Variants in RBFOX1 observed in about 807,000 individuals in gnomAD.
RBFOX1 encodes the protein RNA binding fox-1 homolog 1, also known as RNA binding protein fox-1 homolog 1.
A neutral mutation model predicts 57.7 loss-of-function variants in RBFOX1; 8 were observed. The observed-to-expected ratio is 0.14, with a 90% CI of 0.08 to 0.25. The LOEUF is 0.25. RBFOX1 is among the 10% of genes least tolerant of loss of function. The pLI is 1.00. For synonymous variants in RBFOX1, 326 were observed against 222.4 expected (o/e 1.47, Z -4.15); for missense variants, 611 against 548.5 (o/e 1.11, Z -1.14).
At chr16:6,964,987 G>A (rs1426057943) in intron 3 of RBFOX1, among the ~76,000 whole-genome samples, 1 of 152,120 alleles carries the variant, frequency 6.6e-6, no homozygotes, top group Admixed American at 6.6e-5. Context: ...TATCCTACGT[G>A]CTTCATAAAT....
At chr16:6,660,891 A>G (rs967171816) in intron 3 of RBFOX1, among the ~76,000 whole-genome samples, 1 of 152,186 alleles carries the variant, frequency 6.6e-6, no homozygotes, top group Non-Finnish European at 1.5e-5. Flanking sequence ...GGGACCTAGT[A>G]GGCCTTGGAA....
intron 3 of RBFOX1, among the ~76,000 whole-genome samples, chr16:6,706,933 G>T (rs571043099): frequency 1.5e-4 from 23 of 152,138 alleles, no homozygotes; most frequent in Admixed American, 5.2e-4. Context: ...AAGCTGTATA[G>T]TCACTTAAAA....
intron 2 of RBFOX1, among the ~76,000 whole-genome samples, chr16:5,530,254 G>A (rs1178719919): frequency 2.0e-5 from 3 of 152,172 alleles, no homozygotes; most frequent in African/African-American, 7.2e-5. Flanking sequence ...GAGGACGGCT[G>A]CAACACCACT....
At chr16:7,611,433 G>T (rs2057441632) in intron 10 of RBFOX1, among the ~76,000 whole-genome samples, 1 of 152,114 alleles carries the variant, frequency 6.6e-6, no homozygotes, top group Non-Finnish European at 1.5e-5. Context: ...AAAAGATCTA[G>T]CTGGGCATAG....
At position 5,473,339 on chromosome 16, in the gene RBFOX1, C is replaced by A. The variant is rs193223814; in HGVS notation, c.258+6085C>A. ...ACCTGACACCTCATTACTCCTGTTA[C>A]ACTGTGATGTCTCATTGCTTATCAT... On this transcript the variant is annotated intron_variant, in intron 2 of 2. Transcript: ENST00000585867. 5.7e-4 allele frequency among the ~76,000 whole-genome samples: 87 copies of A among 152,292 alleles called. 1 individual carries two copies. The highest frequency in any genetic ancestry group is 3.5e-3 in the Admixed American group (53 of 15,292).
chr16:6,181,504 C>T lies in RBFOX1; in HGVS notation c.-126-135491C>T, dbSNP rs140555629. ...TGGAGAGAGGAATGTCTGACTTCCT[C>T]ACTCAGCCATAGCTGGTAGTCCCAA... On this transcript the variant is annotated intron_variant, in intron 1 of 15. Transcript: ENST00000550418. 5.6e-3 allele frequency among the ~76,000 whole-genome samples: 858 copies of T among 152,324 alleles called. 5 individuals carry two copies. Among genetic ancestry groups the T allele is most frequent in the African/African-American group, 0.02 (811 of 41,572 alleles).
At chr16:6,756,068 T>A (rs538965201) in intron 3 of RBFOX1, among the ~76,000 whole-genome samples, 1 of 152,284 alleles carries the variant, frequency 6.6e-6, no homozygotes, top group Admixed American at 6.5e-5. Flanking sequence ...AGTGACCACA[T>A]TGGCAGCAAA....
chr16:5,645,747 C>A (rs1347349779), intron 3 of RBFOX1, among the ~76,000 whole-genome samples: 1 of 152,220 alleles, frequency 6.6e-6, no homozygotes, highest in East Asian at 1.9e-4. Flanking sequence ...CTGACTGTAG[C>A]CTCAATCTCC....
At chr16:6,342,913 C>A (rs187113954) in intron 2 of RBFOX1, among the ~76,000 whole-genome samples, 1 of 152,114 alleles carries the variant, frequency 6.6e-6, no homozygotes, top group Non-Finnish European at 1.5e-5. Context: ...CTGATGAAAT[C>A]AGGTGCTTTG....
chr16:6,576,109 C>G (rs1363102534), intron 2 of RBFOX1, among the ~76,000 whole-genome samples: 1 of 152,136 alleles, frequency 6.6e-6, no homozygotes, highest in Non-Finnish European at 1.5e-5. Context: ...TTGTTGTGCA[C>G]TTTTATGATT....
intron 2 of RBFOX1, among the ~76,000 whole-genome samples, chr16:6,600,895 A>G (rs1462437996): frequency 3.3e-5 from 5 of 152,230 alleles, no homozygotes; most frequent in Non-Finnish European, 5.9e-5. Context: ...TCTATGAAAA[A>G]GCCTCTAATA....
At chr16:6,107,964 A>C (rs1284062426) in intron 1 of RBFOX1, among the ~76,000 whole-genome samples, 1 of 152,176 alleles carries the variant, frequency 6.6e-6, no homozygotes, top group African/African-American at 2.4e-5. Flanking sequence ...TTATCAATTA[A>C]GATTAGTCTT....
intron 2 of RBFOX1, among the ~76,000 whole-genome samples, chr16:6,634,175 A>T (rs2098412818): frequency 6.6e-6 from 1 of 152,318 alleles, no homozygotes; most frequent in South Asian, 2.1e-4. Context: ...AATGGGTAGA[A>T]AAGTCAATAA....
intron 3 of RBFOX1, among the ~76,000 whole-genome samples, chr16:5,839,314 G>A (rs1460653823): frequency 6.6e-6 from 1 of 152,138 alleles, no homozygotes; most frequent in African/African-American, 2.4e-5. Flanking sequence ...TCATATTTCT[G>A]TTAGTCTCTA....
chr16:6,661,033 G>T (rs1368097660), intron 3 of RBFOX1, among the ~76,000 whole-genome samples: 1 of 152,166 alleles, frequency 6.6e-6, no homozygotes, highest in African/African-American at 2.4e-5. Flanking sequence ...GAAGTCCTAT[G>T]TACTGCAGCG....
intron 3 of RBFOX1, among the ~76,000 whole-genome samples, chr16:5,711,440 A>G (rs1325073087): frequency 6.6e-6 from 1 of 152,210 alleles, no homozygotes; most frequent in East Asian, 1.9e-4. Context: ...GAGAAAATAC[A>G]CTGGAGAACT....
intron 4 of RBFOX1, among the ~76,000 whole-genome samples, chr16:5,897,978 C>G (rs2058208691): frequency 6.6e-6 from 1 of 152,030 alleles, no homozygotes; most frequent in Non-Finnish European, 1.5e-5. Context: ...TGCTCTCAGG[C>G]TGCTAATAAA....
intron 3 of RBFOX1, among the ~76,000 whole-genome samples, chr16:6,790,912 CT>C (rs377546044): frequency 0.019 from 2,716 of 145,730 alleles, 86 homozygotes; most frequent in African/African-American, 0.062. Flanking sequence ...TCCTGTTTAT[CT>C]TTTTTTTTTT....
intron 1 of RBFOX1, among the ~76,000 whole-genome samples, chr16:5,408,961 G>A (rs2066937659): frequency 6.6e-6 from 1 of 152,198 alleles, no homozygotes; most frequent in Non-Finnish European, 1.5e-5. Context: ...CTCTAATACT[G>A]GGGATTACAG....
Sources: gnomAD v4.1 joint callset for allele counts (sites outside exome capture counted in the v4.1 genomes callset) on GRCh38, gnomAD v4.1.1 for gene constraint, MANE v1.5 for transcripts, NCBI Gene and HGNC (gene_info 2026-07-23, HGNC 2026-07-21) for gene names.